The following LNX1 variants were observed in gnomAD, a reference collection of about 807,000 sequenced individuals.
LNX1 encodes the protein ligand of numb-protein X 1.
Under a neutral mutation model 68.4 loss-of-function variants are expected in LNX1, and 54 were observed. That is an observed-to-expected ratio of 0.79 (90% CI 0.63 to 0.99). LNX1 has a LOEUF of 0.99. Ranked by LOEUF, LNX1 falls within the 50% of genes least tolerant of loss-of-function variation. The pLI is 0.00. For synonymous variants in LNX1, 336 were observed against 350.0 expected (o/e 0.96, Z 0.45); for missense variants, 906 against 926.4 (o/e 0.98, Z 0.29).
chr4:53,630,747 G>A lies in LNX1; in HGVS notation c.-215+21421C>T, dbSNP rs116656453. On this transcript the variant is annotated intron_variant, in intron 1 of 2. Coordinates refer to the LNX1 transcript ENST00000507168. ...TATAAAACAGCTTATGTATTGATTGGCTGATAAAAATGTTGTCACCAGAGG... is the reference window on the plus strand; with the variant it reads ...TATAAAACAGCTTATGTATTGATTGACTGATAAAAATGTTGTCACCAGAGG... 3.7e-3 allele frequency among the ~76,000 whole-genome samples: 570 copies of A among 152,300 alleles called. 7 individuals are homozygous for A. Among genetic ancestry groups the A allele is most frequent in the African/African-American group, 0.013 (540 of 41,570 alleles).
chr4:53,536,161 A>G (rs1018115106), intron 2 of LNX1, among the ~76,000 whole-genome samples: 1 of 152,228 alleles, frequency 6.6e-6, no homozygotes, highest in African/African-American at 2.4e-5. Flanking sequence ...AGAACTGGGT[A>G]GACACTAAAA....
intron 6 of LNX1, among the ~76,000 whole-genome samples, chr4:53,486,189 G>A (rs1724277360): frequency 6.6e-6 from 1 of 151,906 alleles, no homozygotes; most frequent in African/African-American, 2.4e-5. Flanking sequence ...TCTCTTTTCC[G>A]CCCTGCGCCA....
chr4:53,520,823 G>A (rs759623194), intron 2 of LNX1, among the ~76,000 whole-genome samples: 12 of 152,206 alleles, frequency 7.9e-5, no homozygotes, highest in African/African-American at 2.9e-4. Context: ...TTAGTTGGGT[G>A]TGGTGGTGAG....
At chr4:53,467,809 T>C (rs11721994) in intron 9 of LNX1, among the ~76,000 whole-genome samples, 105,622 of 151,988 alleles carry the variant, frequency 0.69, 36,751 homozygotes, top group Middle Eastern at 0.72. Context: ...TAAAAAGAAA[T>C]GAACAAAGTC....
intron 2 of LNX1, among the ~76,000 whole-genome samples, chr4:53,513,868 C>T (rs185952238): frequency 6.6e-6 from 1 of 152,324 alleles, no homozygotes; most frequent in East Asian, 1.9e-4. Context: ...AGCATAAGGT[C>T]CTTACAACGA....
intron 1 of LNX1, among the ~76,000 whole-genome samples, chr4:53,590,146 C>T (rs184704982): frequency 5.3e-4 from 80 of 152,194 alleles, no homozygotes; most frequent in Non-Finnish European, 1.0e-3. Context: ...ACAATAGGGA[C>T]CTCCAAACAG....
intron 2 of LNX1, among the ~76,000 whole-genome samples, chr4:53,513,128 GC>G (rs1560637956): frequency 1.3e-5 from 2 of 151,388 alleles, no homozygotes; most frequent in Non-Finnish European, 2.9e-5. Context: ...CTCAAAAACC[GC>G]CCAGGGAAAT....
chr4:53,595,631 C>G (rs1393237007), upstream of LNX1, among the ~76,000 whole-genome samples: 3 of 152,164 alleles, frequency 2.0e-5, no homozygotes, highest in Admixed American at 2.0e-4. Flanking sequence ...TTTCTGAACT[C>G]AAAGTTGGGC....
intron 1 of LNX1, chr4:53,576,415 T>A: frequency 6.6e-7 from 1 of 1,506,972 alleles, no homozygotes; most frequent in Non-Finnish European, 8.9e-7. Context: ...CCTATTCAGG[T>A]CAGGCTTGGA....
At chr4:53,481,594 T>C in intron 7 of LNX1, 126 bp downstream of exon 7, 5 of 1,129,742 alleles carry the variant, frequency 4.4e-6, no homozygotes, top group Non-Finnish European at 6.0e-6. Flanking sequence ...GGGCTTTTAG[T>C]TTTACAAGTC....
chr4:53,651,932 G>A (rs1174349836), intron 1 of LNX1, among the ~76,000 whole-genome samples: 11 of 152,054 alleles, frequency 7.2e-5, no homozygotes, highest in East Asian at 1.9e-4. Flanking sequence ...TATAAAGAGC[G>A]CAAATGCCCT....
At chr4:53,619,606 G>T (rs377199489), upstream of LNX1, among the ~76,000 whole-genome samples, 13 of 152,244 alleles carry the variant, frequency 8.5e-5, no homozygotes, top group Admixed American at 4.6e-4. Context: ...TTGTTTAGCT[G>T]TTCATCACTT....
At chr4:53,531,503 G>A (rs964312779) in intron 2 of LNX1, among the ~76,000 whole-genome samples, 5 of 152,124 alleles carry the variant, frequency 3.3e-5, no homozygotes, top group East Asian at 3.9e-4. Context: ...TGAGACACAC[G>A]GAAATAGACA....
chr4:53,461,651 C>CTT, intron 9 of LNX1, 58 bp from the exon 10 acceptor site: 1 of 1,276,088 alleles, frequency 7.8e-7, no homozygotes, highest in Non-Finnish European at 1.1e-6. Context: ...TAAGGGAATA[C>CTT]TTACTGTGAC....
chr4:53,647,584 T>C (rs1734933361), intron 1 of LNX1, among the ~76,000 whole-genome samples: 1 of 152,178 alleles, frequency 6.6e-6, no homozygotes, highest in Non-Finnish European at 1.5e-5. Flanking sequence ...AAAGCCAGGA[T>C]TCATTGGCAT....
chr4:53,633,542 T>A (rs1287138498), intron 1 of LNX1, among the ~76,000 whole-genome samples: 1 of 152,168 alleles, frequency 6.6e-6, no homozygotes, highest in Admixed American at 6.5e-5. Context: ...GCCATGAGTT[T>A]ATCAGTTTTT....
At chr4:53,498,321 G>A (rs1725219003) in intron 5 of LNX1, among the ~76,000 whole-genome samples, 1 of 152,112 alleles carries the variant, frequency 6.6e-6, no homozygotes, top group South Asian at 2.1e-4. Flanking sequence ...GGAGAAAGAG[G>A]AGGTGGAGAA....
At chr4:53,588,489 T>C (rs1732308026) in intron 1 of LNX1, among the ~76,000 whole-genome samples, 1 of 152,208 alleles carries the variant, frequency 6.6e-6, no homozygotes, top group African/African-American at 2.4e-5. Context: ...GGCAGCCTGA[T>C]GCCAGAGACC....
chr4:53,521,558 C>A (rs1379782395), intron 2 of LNX1, among the ~76,000 whole-genome samples: 1 of 152,132 alleles, frequency 6.6e-6, no homozygotes, highest in African/African-American at 2.4e-5. Context: ...AATATTTTTA[C>A]ATGAAACAAA....
Sources: gnomAD v4.1 joint callset for allele counts (sites outside exome capture counted in the v4.1 genomes callset) on GRCh38, gnomAD v4.1.1 for gene constraint, MANE v1.5 for transcripts, NCBI Gene and HGNC (gene_info 2026-07-23, HGNC 2026-07-21) for gene names.